The following TEX11 variants were observed in gnomAD, a reference collection of about 807,000 sequenced individuals.
TEX11 encodes testis-expressed protein 11.
Under a neutral mutation model 84.4 loss-of-function variants are expected in TEX11, and 7 were observed. That is an observed-to-expected ratio of 0.08 (90% CI 0.05 to 0.16). The LOEUF (loss-of-function observed/expected upper bound fraction) is 0.16. TEX11 is among the 10% of genes least tolerant of loss of function. TEX11 has a pLI of 1.00. For synonymous variants in TEX11, 264 were observed against 222.8 expected (o/e 1.18, Z -1.64); for missense variants, 551 against 660.5 (o/e 0.83, Z 1.82).
chrX:70,567,694 T>A (rs2088511849), intron 25 of TEX11, among the ~76,000 whole-genome samples: 1 of 111,788 alleles, frequency 8.9e-6, no homozygotes, highest in Non-Finnish European at 1.9e-5. Flanking sequence ...GGTTGTTCAG[T>A]TTCCGTGTAG....
chrX:70,799,545 T>G (rs1319191028), intron 9 of TEX11, among the ~76,000 whole-genome samples: 1 of 111,955 alleles, frequency 8.9e-6, no homozygotes, highest in African/African-American at 3.2e-5. Flanking sequence ...CAAAATGCCT[T>G]GAGCATCCCA....
chrX:70,688,297 A>G (rs1204514340), intron 13 of TEX11, among the ~76,000 whole-genome samples: 1 of 111,397 alleles, frequency 9.0e-6, no homozygotes, highest in African/African-American at 3.3e-5. Flanking sequence ...TACCCACTTG[A>G]TTTGAAAACT....
intron 13 of TEX11, among the ~76,000 whole-genome samples, chrX:70,704,061 C>A (rs933232301): frequency 9.1e-6 from 1 of 109,535 alleles, no homozygotes; most frequent in African/African-American, 3.3e-5. Context: ...GAGATCTGGT[C>A]ATTTCAAAGT....
intron 13 of TEX11, among the ~76,000 whole-genome samples, chrX:70,721,538 G>A (rs1244820232): frequency 2.7e-5 from 3 of 112,113 alleles, no homozygotes; most frequent in East Asian, 5.6e-4. Context: ...ACACTAAAAA[G>A]TATCAATTAA....
chrX:70,754,985 G>C (rs1309196511), intron 9 of TEX11, among the ~76,000 whole-genome samples: 1 of 111,823 alleles, frequency 8.9e-6, no homozygotes, highest in Non-Finnish European at 1.9e-5. Context: ...CTGAACATGG[G>C]GAAAGCCTTC....
intron 9 of TEX11, among the ~76,000 whole-genome samples, chrX:70,776,425 T>C (rs1740360161): frequency 9.1e-6 from 1 of 109,449 alleles, no homozygotes; most frequent in Admixed American, 9.8e-5. Context: ...TAGCCAGGCG[T>C]GGTGGTGCAC....
chrX:70,814,339 C>T (rs182318113), intron 8 of TEX11, among the ~76,000 whole-genome samples: 1 of 111,710 alleles, frequency 9.0e-6, no homozygotes, highest in East Asian at 2.8e-4. Context: ...CTGACAAAAA[C>T]CAGTGAGTCA....
chrX:70,787,111 G>A lies in TEX11; in HGVS notation c.692+19594C>T, dbSNP rs534400549. On this transcript the variant is annotated intron_variant, in intron 9 of 29. Coordinates refer to ENST00000374333, the MANE Select transcript of TEX11 (RefSeq NM_031276.3). Reference sequence around the variant, plus strand: ...ATTGTGCCATTGCACTCCAGCCTGGGCAACAAAAGCAAAACTCCATCCCAA... The same window carrying A: ...ATTGTGCCATTGCACTCCAGCCTGGACAACAAAAGCAAAACTCCATCCCAA... Among the ~76,000 whole-genome samples the A allele has an allele frequency of 1.3e-4, 15 of 111,456 alleles. No individual in the cohort carries two copies. In the South Asian group the frequency reaches 5.7e-3, roughly 42 times the overall value.
chrX:70,805,830 C>A (rs1330147836), intron 9 of TEX11, among the ~76,000 whole-genome samples: 1 of 111,960 alleles, frequency 8.9e-6, no homozygotes, highest in Non-Finnish European at 1.9e-5. Context: ...CTGTGCTGGG[C>A]CTAGGTTTTC....
chrX:70,809,087 T>C (rs981355357), intron 8 of TEX11, among the ~76,000 whole-genome samples: 1 of 111,777 alleles, frequency 8.9e-6, no homozygotes, highest in Non-Finnish European at 1.9e-5. Flanking sequence ...CTCAAAACGA[T>C]AACTGAACAG....
At chrX:70,721,237 A>G (rs1271533991) in intron 13 of TEX11, among the ~76,000 whole-genome samples, 4 of 111,743 alleles carry the variant, frequency 3.6e-5, no homozygotes. Flanking sequence ...TGGCTGCAAG[A>G]AAGCTTACCA....
At chrX:70,787,684 G>A (rs2147791592) in intron 9 of TEX11, among the ~76,000 whole-genome samples, 1 of 111,338 alleles carries the variant, frequency 9.0e-6, no homozygotes, top group African/African-American at 3.3e-5. Flanking sequence ...GAGCAATTAA[G>A]CAAAAGAAAG....
chrX:70,857,566 C>A, intron 5 of TEX11: 1 of 259,130 alleles, frequency 3.9e-6, no homozygotes, highest in Non-Finnish European at 7.3e-6. Flanking sequence ...GCTAAAGATT[C>A]AAGATATGTC....
At chrX:70,827,812 C>A (rs1230933121) in intron 8 of TEX11, among the ~76,000 whole-genome samples, 1 of 111,966 alleles carries the variant, frequency 8.9e-6, no homozygotes, top group Admixed American at 9.5e-5. Context: ...GGGAACTCAC[C>A]ATCCTAAAGG....
chrX:70,838,414 C>T (rs2091418555), intron 7 of TEX11, among the ~76,000 whole-genome samples: 1 of 112,157 alleles, frequency 8.9e-6, no homozygotes, highest in Non-Finnish European at 1.9e-5. Flanking sequence ...CGGAGCAAGA[C>T]TTGGTCTCAG....
chrX:70,806,148 G>A (rs1433202158), intron 9 of TEX11, among the ~76,000 whole-genome samples: 1 of 112,180 alleles, frequency 8.9e-6, no homozygotes, highest in Non-Finnish European at 1.9e-5. Context: ...AGAGGAGTAA[G>A]CTCTTATATT....
chrX:70,534,734 TC>T (rs1216215913), intron 28 of TEX11, among the ~76,000 whole-genome samples: 2 of 111,704 alleles, frequency 1.8e-5, no homozygotes, highest in Non-Finnish European at 1.9e-5. Context: ...CTCCATAGAT[TC>T]CCAAAGTAAA....
chrX:70,834,763 C>CA (rs750794196), intron 7 of TEX11, among the ~76,000 whole-genome samples: 2,240 of 43,236 alleles, frequency 0.052, 50 homozygotes, highest in African/African-American at 0.14. Flanking sequence ...GACTCTGTCA[C>CA]AAAAAAAAAA....
chrX:70,752,971 C>T (rs1384231800), intron 9 of TEX11, among the ~76,000 whole-genome samples: 1 of 110,262 alleles, frequency 9.1e-6, no homozygotes, highest in African/African-American at 3.3e-5. Context: ...AAAGCAGGAC[C>T]AATCTCAGCT....
Sources: allele counts gnomAD v4.1 joint callset (sites outside exome capture counted in the v4.1 genomes callset), GRCh38; gene constraint gnomAD v4.1.1; transcripts MANE v1.5; gene names NCBI Gene and HGNC (gene_info 2026-07-23, HGNC 2026-07-21).